ITPR2: variants seen among roughly 807,000 people sequenced by gnomAD.
ITPR2 encodes inositol 1,4,5-trisphosphate-gated calcium channel ITPR2.
ITPR2 carries 207 observed loss-of-function variants against 317.1 expected under a neutral mutation model. The observed-to-expected ratio is 0.65, with a 90% CI of 0.58 to 0.73. The LOEUF (loss-of-function observed/expected upper bound fraction) is 0.73. ITPR2 is among the 30% of genes least tolerant of loss of function. The pLI is 0.00. For missense variants in ITPR2, 2,613 were observed against 3,284.0 expected, an observed-to-expected ratio of 0.80 and a Z score of 4.99; for synonymous variants, 1,156 against 1,149.1, an observed-to-expected ratio of 1.01 and a Z score of -0.12.
intron 34 of ITPR2, among the ~76,000 whole-genome samples, chr12:26,578,369 G>A (rs758228307): frequency 3.3e-5 from 5 of 152,086 alleles, no homozygotes; most frequent in Non-Finnish European, 7.4e-5. Context: ...AAAGTCCTAT[G>A]TCATATGAAG....
At chr12:26,707,733 T>C (rs1023742446) in intron 9 of ITPR2, among the ~76,000 whole-genome samples, 1 of 152,060 alleles carries the variant, frequency 6.6e-6, no homozygotes, top group Non-Finnish European at 1.5e-5. Flanking sequence ...GGGCACCATG[T>C]TGGCCAGGCT....
chr12:26,363,768 GA>G (rs897767491), intron 55 of ITPR2, among the ~76,000 whole-genome samples: 23 of 144,210 alleles, frequency 1.6e-4, no homozygotes, highest in East Asian at 1.2e-3. Context: ...GAACTTAAAA[GA>G]AAAAAAAAAG....
At chr12:26,588,980 G>A (rs567319016) in intron 32 of ITPR2, among the ~76,000 whole-genome samples, 4 of 152,220 alleles carry the variant, frequency 2.6e-5, no homozygotes, top group South Asian at 2.1e-4. Flanking sequence ...CCCTCTTTAC[G>A]TGCCTTCTAA....
chr12:26,701,120 A>G (rs1948437568), intron 9 of ITPR2, among the ~76,000 whole-genome samples: 1 of 152,162 alleles, frequency 6.6e-6, no homozygotes, highest in Non-Finnish European at 1.5e-5. Context: ...GAAGAATATA[A>G]AGAAGTCAGG....
chr12:26,470,084 C>A (rs1403704477), intron 45 of ITPR2, among the ~76,000 whole-genome samples: 1 of 152,226 alleles, frequency 6.6e-6, no homozygotes, highest in East Asian at 1.9e-4. Context: ...TCACATACCC[C>A]ATCTGGCCTT....
At chr12:26,688,566 GA>G (rs1565694059) in intron 10 of ITPR2, among the ~76,000 whole-genome samples, 1 of 152,144 alleles carries the variant, frequency 6.6e-6, no homozygotes, top group Non-Finnish European at 1.5e-5. Context: ...GAAGGGAAAA[GA>G]GGGAAAGAAG....
At chr12:26,654,232 A>G in intron 20 of ITPR2, 106 bp from the exon 21 acceptor site, 1 of 855,438 alleles carries the variant, frequency 1.2e-6, no homozygotes, top group Non-Finnish European at 1.8e-6. Context: ...TAGCACAGCA[A>G]TTTCTAAACT....
chr12:26,774,010 T>C (rs67982507), intron 2 of ITPR2, among the ~76,000 whole-genome samples: 21,473 of 111,350 alleles, frequency 0.19, 2,457 homozygotes, highest in Non-Finnish European at 0.26. Context: ...TTTTTTTTTT[T>C]AGTATAAAGC....
At chr12:26,539,559 C>A (rs1472184523) in intron 37 of ITPR2, among the ~76,000 whole-genome samples, 1 of 152,216 alleles carries the variant, frequency 6.6e-6, no homozygotes, top group Non-Finnish European at 1.5e-5. Flanking sequence ...ATGGCTGGAA[C>A]CCCCTCCCCA....
At chr12:26,463,602 T>C (rs1364854099) in intron 45 of ITPR2, among the ~76,000 whole-genome samples, 1 of 151,734 alleles carries the variant, frequency 6.6e-6, no homozygotes, top group African/African-American at 2.4e-5. Context: ...GAGGCAGAGA[T>C]TGCACTGAGC....
chr12:26,417,385 C>T (rs1416915597), intron 50 of ITPR2, among the ~76,000 whole-genome samples: 3 of 152,112 alleles, frequency 2.0e-5, no homozygotes, highest in Middle Eastern at 3.2e-3. Context: ...TATGGTTTGG[C>T]TCTGTGTCTC....
intron 2 of ITPR2, among the ~76,000 whole-genome samples, chr12:26,759,398 T>G (rs1480938694): frequency 1.3e-5 from 2 of 152,204 alleles, no homozygotes; most frequent in Non-Finnish European, 2.9e-5. Flanking sequence ...CACAGCACCA[T>G]AGCACAGCTC....
intron 1 of ITPR2, among the ~76,000 whole-genome samples, chr12:26,797,682 CTTTTTTTTTTT>C (rs71069269): frequency 1.4e-5 from 1 of 71,906 alleles, no homozygotes; most frequent in Non-Finnish European, 2.4e-5. Context: ...ATGGAATTGT[CTTTTTTTTTTT>C]TTTTTTTTTT....
intron 39 of ITPR2, among the ~76,000 whole-genome samples, chr12:26,488,141 A>G (rs138773039): frequency 2.9e-3 from 441 of 152,322 alleles, no homozygotes; most frequent in Admixed American, 6.7e-3. Context: ...TGGGGGAATT[A>G]TAACTTATTA....
chr12:26,470,150 A>G (rs1942263435), intron 45 of ITPR2, among the ~76,000 whole-genome samples: 1 of 152,198 alleles, frequency 6.6e-6, no homozygotes, highest in East Asian at 1.9e-4. Context: ...TCTGTGACCC[A>G]TGCTCTACAG....
At chr12:26,701,377 T>C (rs1948443905) in intron 9 of ITPR2, among the ~76,000 whole-genome samples, 1 of 152,218 alleles carries the variant, frequency 6.6e-6, no homozygotes, top group Non-Finnish European at 1.5e-5. Flanking sequence ...ATAAACATCA[T>C]GTGTGTATTT....
intron 5 of ITPR2, among the ~76,000 whole-genome samples, chr12:26,720,504 A>C (rs1320930768): frequency 6.6e-6 from 1 of 152,212 alleles, no homozygotes; most frequent in Non-Finnish European, 1.5e-5. Context: ...TTAGGGAAAA[A>C]AACGAGTATT....
chr12:26,610,570 ATAAT>A (rs1946239670), intron 26 of ITPR2, among the ~76,000 whole-genome samples: 1 of 152,194 alleles, frequency 6.6e-6, no homozygotes, highest in South Asian at 2.1e-4. Flanking sequence ...ATAAAGTAAT[ATAAT>A]TAATAAATAA....
At chr12:26,660,737 C>T (rs886290903) in intron 15 of ITPR2, among the ~76,000 whole-genome samples, 3 of 152,034 alleles carry the variant, frequency 2.0e-5, no homozygotes, top group African/African-American at 4.8e-5. Context: ...TTCATGACTA[C>T]TGTAGTCATA....
Sources: gnomAD v4.1 joint callset for allele counts (sites outside exome capture counted in the v4.1 genomes callset) on GRCh38, gnomAD v4.1.1 for gene constraint, MANE v1.5 for transcripts, NCBI Gene and HGNC (gene_info 2026-07-23, HGNC 2026-07-21) for gene names.